The following TRPM3 variants were observed in gnomAD, a reference collection of about 807,000 sequenced individuals.
TRPM3 encodes transient receptor potential cation channel subfamily M member 3.
Under a neutral mutation model 181.2 loss-of-function variants are expected in TRPM3, and 77 were observed. The ratio of observed to expected loss-of-function variants is 0.42; its 90% CI spans 0.35 to 0.51. The LOEUF (loss-of-function observed/expected upper bound fraction) is 0.51, where lower values mean the gene tolerates loss of function less well. Ranked by LOEUF, TRPM3 falls within the 20% of genes least tolerant of loss-of-function variation. The probability of loss-of-function intolerance (pLI) is 0.01; values close to 1 mark genes in which losing one functional copy is unlikely to be tolerated. For missense variants in TRPM3, 1,759 were observed against 2,196.7 expected (o/e 0.80, Z 3.98); for synonymous variants, 745 against 796.4 (o/e 0.94, Z 1.09).
At chr9:71,133,998 T>TGC (rs1233472905) in intron 1 of TRPM3, among the ~76,000 whole-genome samples, 48 of 140,378 alleles carry the variant, frequency 3.4e-4, no homozygotes, top group Non-Finnish European at 4.1e-4. Flanking sequence ...TGTGTGTGTG[T>TGC]GTGTGTGTGT....
intron 1 of TRPM3, among the ~76,000 whole-genome samples, chr9:71,226,439 T>C (rs1169221501): frequency 6.6e-6 from 1 of 151,710 alleles, no homozygotes; most frequent in African/African-American, 2.4e-5. Context: ...ACAAAAAGCA[T>C]ATTTGGCCTT....
At chr9:70,940,027 G>A (rs1273050143) in intron 1 of TRPM3, among the ~76,000 whole-genome samples, 2 of 152,136 alleles carry the variant, frequency 1.3e-5, no homozygotes, top group Non-Finnish European at 2.9e-5. Context: ...TTCTTGTTTG[G>A]GTGGCTTTAA....
At chr9:71,086,916 G>A (rs1213931762) in intron 1 of TRPM3, among the ~76,000 whole-genome samples, 16 of 151,994 alleles carry the variant, frequency 1.1e-4, no homozygotes, top group Admixed American at 1.1e-3. Flanking sequence ...CACTTCACAT[G>A]CCTTTCTCTA....
rs577471319 is a variant in TRPM3, at chr9:70,888,427, T to C, written c.178-23916A>G. On this transcript the variant is annotated intron_variant, in intron 1 of 25. Transcript: ENST00000677713. ...TTCCAATCCTAGAAGTAAAATTTTC[T>C]GGATAATTAAGATAAAGTTAGAAAT... Among the ~76,000 whole-genome samples the C allele has an allele frequency of 4.5e-4, 68 of 151,564 alleles. 1 individual carries two copies. Among genetic ancestry groups the C allele is most frequent in the Non-Finnish European group, 7.5e-4 (51 of 67,906 alleles).
intron 1 of TRPM3, among the ~76,000 whole-genome samples, chr9:71,301,935 G>A (rs12001209): frequency 0.085 from 12,873 of 152,054 alleles, 1,017 homozygotes; most frequent in African/African-American, 0.21. Context: ...GGTTGTCTCC[G>A]TAGTTAGAAA....
chr9:70,863,933 T>C (rs2132422151), intron 2 of TRPM3, among the ~76,000 whole-genome samples: 1 of 152,220 alleles, frequency 6.6e-6, no homozygotes, highest in African/African-American at 2.4e-5. Context: ...TTCAGACATA[T>C]ATATGCTACT....
intron 1 of TRPM3, among the ~76,000 whole-genome samples, chr9:71,269,416 C>T (rs1281042839): frequency 6.6e-6 from 1 of 152,222 alleles, no homozygotes; most frequent in Admixed American, 6.5e-5. Context: ...CACATTCCTT[C>T]TCCAAGTCAG....
At chr9:70,547,106 A>G (rs1436437355) in intron 25 of TRPM3, among the ~76,000 whole-genome samples, 1 of 152,196 alleles carries the variant, frequency 6.6e-6, no homozygotes, top group East Asian at 1.9e-4. Context: ...TCTGTAAAGA[A>G]ACTCCTTTTC....
intron 1 of TRPM3, among the ~76,000 whole-genome samples, chr9:70,896,165 T>C (rs1012915719): frequency 1.3e-5 from 2 of 152,110 alleles, no homozygotes; most frequent in South Asian, 4.1e-4. Context: ...TTCATAAAAA[T>C]GTGTTTGTTT....
chr9:70,896,686 A>C (rs2096283102), intron 1 of TRPM3, among the ~76,000 whole-genome samples: 1 of 152,170 alleles, frequency 6.6e-6, no homozygotes. Context: ...TATGCAATTA[A>C]GATATTTTAA....
At chr9:71,312,714 G>A (rs542174557) in intron 1 of TRPM3, among the ~76,000 whole-genome samples, 2 of 152,228 alleles carry the variant, frequency 1.3e-5, no homozygotes, top group South Asian at 4.1e-4. Context: ...ATATTATTCA[G>A]TGCCAAAAAG....
intron 22 of TRPM3, among the ~76,000 whole-genome samples, chr9:70,560,783 G>A (rs1234746244): frequency 6.6e-6 from 1 of 152,212 alleles, no homozygotes; most frequent in African/African-American, 2.4e-5. Flanking sequence ...TGAAGTACGA[G>A]TACACAGAAC....
At chr9:71,066,294 T>C (rs1486232147) in intron 1 of TRPM3, among the ~76,000 whole-genome samples, 1 of 152,176 alleles carries the variant, frequency 6.6e-6, no homozygotes, top group Non-Finnish European at 1.5e-5. Context: ...TCGGCAAACT[T>C]GGCTATGGCA....
chr9:71,408,070 A>T (rs2093471293), intron 1 of TRPM3, among the ~76,000 whole-genome samples: 1 of 152,224 alleles, frequency 6.6e-6, no homozygotes, highest in South Asian at 2.1e-4. Context: ...AACAAAAAGG[A>T]CATCCACACC....
intron 1 of TRPM3, among the ~76,000 whole-genome samples, chr9:71,234,880 A>T (rs7858061): frequency 0.019 from 2,862 of 152,150 alleles, 99 homozygotes; most frequent in African/African-American, 0.066. Flanking sequence ...AAACATTCAC[A>T]CTGTGTACTC....
chr9:71,292,839 A>G (rs2085930308), intron 1 of TRPM3, among the ~76,000 whole-genome samples: 1 of 151,960 alleles, frequency 6.6e-6, no homozygotes, highest in African/African-American at 2.4e-5. Flanking sequence ...ACCAGAAATG[A>G]AAAATAACAG....
intron 1 of TRPM3, among the ~76,000 whole-genome samples, chr9:71,416,137 C>T (rs576171618): frequency 2.6e-5 from 4 of 151,234 alleles, no homozygotes; most frequent in East Asian, 1.9e-4. Context: ...CCTATAGTAT[C>T]GAAGCATCAT....
At chr9:70,556,538 A>G (rs560196664) in intron 22 of TRPM3, among the ~76,000 whole-genome samples, 45 of 152,260 alleles carry the variant, frequency 3.0e-4, no homozygotes, top group African/African-American at 1.1e-3. Context: ...CCTGGTCAAC[A>G]TGGCAAAACC....
At position 70,535,941 on chromosome 9, in the gene TRPM3, T is replaced by C. The variant is rs773076987; in HGVS notation, c.*12A>G. On this transcript the variant is annotated 3_prime_UTR_variant, in exon 26 of 26. Coordinates refer to ENST00000677713, the MANE Select transcript of TRPM3 (RefSeq NM_001366145.2). ...GGATTCTTGAGCCTTCTGTGGCGGATATTAAGAAGGTTTAGTTGTGCTTGC... is the reference window on the plus strand; with the variant it reads ...GGATTCTTGAGCCTTCTGTGGCGGACATTAAGAAGGTTTAGTTGTGCTTGC... 1 of 1,560,618 alleles carries C rather than the reference T, an allele frequency of 6.4e-7. No individual in the cohort carries two copies. The highest frequency in any genetic ancestry group is 1.2e-5 in the South Asian group (1 of 81,294).
Sources: gnomAD v4.1 joint callset for allele counts (sites outside exome capture counted in the v4.1 genomes callset) on GRCh38, gnomAD v4.1.1 for gene constraint, MANE v1.5 for transcripts, NCBI Gene and HGNC (gene_info 2026-07-23, HGNC 2026-07-21) for gene names.